Variants in PTPRG observed in about 807,000 individuals in gnomAD.
PTPRG encodes protein tyrosine phosphatase receptor type G.
A neutral mutation model predicts 165.3 loss-of-function variants in PTPRG; 102 were observed. The observed-to-expected ratio is 0.62, with a 90% CI of 0.53 to 0.73. The LOEUF is 0.73. Ranked by LOEUF, PTPRG falls within the 30% of genes least tolerant of loss-of-function variation. The pLI is 0.00. For synonymous variants in PTPRG, 675 were observed against 669.5 expected, an observed-to-expected ratio of 1.01 and a Z score of -0.13; for missense variants, 1,866 against 1,861.4, an observed-to-expected ratio of 1.00 and a Z score of -0.05.
At chr3:61,780,078 G>A (rs1361688405) in intron 2 of PTPRG, among the ~76,000 whole-genome samples, 1 of 152,192 alleles carries the variant, frequency 6.6e-6, no homozygotes, top group Admixed American at 6.5e-5. Context: ...AAAAGTTGAT[G>A]TAAGAAGTTA....
At chr3:62,243,692 C>T in intron 14 of PTPRG, 115 bp from the exon 15 acceptor site, 1 of 642,096 alleles carries the variant, frequency 1.6e-6, no homozygotes, top group African/African-American at 1.9e-5. Context: ...ATGAGTTTAC[C>T]CTCAGTGCTG....
chr3:61,568,536 T>C (rs1172511587), intron 1 of PTPRG, among the ~76,000 whole-genome samples: 3 of 152,216 alleles, frequency 2.0e-5, no homozygotes, highest in African/African-American at 4.8e-5. Context: ...CAGAAAAATA[T>C]ATTCTGTGTG....
intron 2 of PTPRG, among the ~76,000 whole-genome samples, chr3:61,835,996 C>T (rs1307947778): frequency 1.3e-5 from 2 of 151,352 alleles, no homozygotes; most frequent in Admixed American, 6.6e-5. Flanking sequence ...GCTAAGATCG[C>T]GCCATTGCAC....
At position 61,860,402 on chromosome 3, in the gene PTPRG, G is replaced by A. The variant is rs566316834; in HGVS notation, c.190+111420G>A. On this transcript the variant is annotated intron_variant, in intron 2 of 29. Coordinates refer to ENST00000474889, the MANE Select transcript of PTPRG (RefSeq NM_002841.4). Reference sequence around the variant, plus strand: ...TGACTTTTCTCCCCAGGCATAGAAGGATAATAGCTGTGCTTTTTTTTGTTT... The same window carrying A: ...TGACTTTTCTCCCCAGGCATAGAAGAATAATAGCTGTGCTTTTTTTTGTTT... Among the ~76,000 whole-genome samples, 4 of 149,758 alleles carry A rather than the reference G, an allele frequency of 2.7e-5. No individual in the cohort carries two copies. In the South Asian group the frequency reaches 8.5e-4, roughly 32 times the overall value.
At chr3:61,817,943 C>T (rs374037579) in intron 2 of PTPRG, among the ~76,000 whole-genome samples, 16 of 151,878 alleles carry the variant, frequency 1.1e-4, no homozygotes, top group Non-Finnish European at 2.1e-4. Context: ...CAAGATGGGG[C>T]GGTGAGAGTC....
At chr3:62,282,126 C>T (rs181697040) in intron 27 of PTPRG, among the ~76,000 whole-genome samples, 1 of 151,996 alleles carries the variant, frequency 6.6e-6, no homozygotes, top group African/African-American at 2.4e-5. Flanking sequence ...GAGCCCCTTC[C>T]TTGTTTTCCT....
At chr3:61,644,156 C>T (rs184072380) in intron 1 of PTPRG, among the ~76,000 whole-genome samples, 4 of 152,302 alleles carry the variant, frequency 2.6e-5, no homozygotes, top group Non-Finnish European at 4.4e-5. Context: ...AGAAGTGTCA[C>T]CTACTGTGTC....
chr3:62,037,556 A>C (rs1292473883), intron 4 of PTPRG, among the ~76,000 whole-genome samples: 1 of 152,202 alleles, frequency 6.6e-6, no homozygotes, highest in East Asian at 1.9e-4. Flanking sequence ...TCTGGTCCAG[A>C]TGTTCAGGTT....
intron 1 of PTPRG, among the ~76,000 whole-genome samples, chr3:61,734,578 T>A (rs901047865): frequency 1.3e-5 from 2 of 152,200 alleles, no homozygotes; most frequent in African/African-American, 2.4e-5. Flanking sequence ...TGTTCCAGAG[T>A]ATTTTACTGC....
chr3:61,750,754 T>G (rs552969489), intron 2 of PTPRG: 5 of 152,354 alleles, frequency 3.3e-5, no homozygotes, highest in Admixed American at 3.3e-4. Flanking sequence ...ATACTGGAAT[T>G]TGAATTTTAT....
At chr3:61,912,649 A>AC (rs1218133644) in intron 2 of PTPRG, among the ~76,000 whole-genome samples, 1 of 152,222 alleles carries the variant, frequency 6.6e-6, no homozygotes, top group Non-Finnish European at 1.5e-5. Context: ...ATTCTTGAAT[A>AC]ATCTGCATAG....
chr3:61,677,860 T>C (rs6796886), intron 1 of PTPRG, among the ~76,000 whole-genome samples: 6,722 of 152,144 alleles, frequency 0.044, 410 homozygotes, highest in African/African-American at 0.14. Flanking sequence ...CTTAGGAGTG[T>C]TGGGCCGTGG....
At chr3:62,244,996 G>T (rs1230298200) in intron 15 of PTPRG, among the ~76,000 whole-genome samples, 1 of 152,130 alleles carries the variant, frequency 6.6e-6, no homozygotes, top group Non-Finnish European at 1.5e-5. Flanking sequence ...GAATTGCCCT[G>T]TTATGTGTCT....
chr3:62,284,622 T>A (rs988311573), intron 28 of PTPRG, among the ~76,000 whole-genome samples: 1 of 152,144 alleles, frequency 6.6e-6, no homozygotes, highest in African/African-American at 2.4e-5. Context: ...GTTTCCATCT[T>A]ACCTACTTTC....
intron 12 of PTPRG, among the ~76,000 whole-genome samples, chr3:62,206,267 G>A (rs1247458354): frequency 1.3e-5 from 2 of 152,074 alleles, no homozygotes; most frequent in Non-Finnish European, 1.5e-5. Context: ...AACTTTGGGG[G>A]CTCCCTACTC....
intron 7 of PTPRG, among the ~76,000 whole-genome samples, chr3:62,164,676 C>G (rs1184327994): frequency 6.6e-6 from 1 of 152,186 alleles, no homozygotes; most frequent in African/African-American, 2.4e-5. Flanking sequence ...GCTTTTAAAC[C>G]GTAGCATGTC....
chr3:61,778,387 A>G (rs1008457556), intron 2 of PTPRG, among the ~76,000 whole-genome samples: 2 of 152,108 alleles, frequency 1.3e-5, no homozygotes, highest in African/African-American at 4.8e-5. Flanking sequence ...CTGCACTCCT[A>G]TGCAAACGTC....
At chr3:62,215,553 C>CCT (rs1559662564) in intron 12 of PTPRG, among the ~76,000 whole-genome samples, 2 of 142,170 alleles carry the variant, frequency 1.4e-5, no homozygotes, top group Non-Finnish European at 3.1e-5. Context: ...GGAACCCCCC[C>CCT]CCCCCGCCAA....
intron 28 of PTPRG, among the ~76,000 whole-genome samples, chr3:62,291,804 A>G (rs375570534): frequency 3.5e-4 from 54 of 152,242 alleles, no homozygotes; most frequent in African/African-American, 1.3e-3. Flanking sequence ...CCTGATGGAA[A>G]TTTACTACCT....
Sources: allele counts gnomAD v4.1 joint callset (sites outside exome capture counted in the v4.1 genomes callset), GRCh38; gene constraint gnomAD v4.1.1; transcripts MANE v1.5; gene names NCBI Gene and HGNC (gene_info 2026-07-23, HGNC 2026-07-21).